The following QTMAN variants were observed in gnomAD, a reference collection of about 807,000 sequenced individuals.
The protein encoded by QTMAN is queuosine-tRNA mannosyltransferase.
At chr2:144,271,385 T>C in the QTMAN span, among the ~76,000 whole-genome samples, 1 of 152,204 alleles carries the variant, frequency 6.6e-6, no homozygotes, top group Non-Finnish European at 1.5e-5. Context: ...ATTGAACAGC[T>C]TGGCTTCTGA....
the QTMAN span, among the ~76,000 whole-genome samples, chr2:144,141,588 CAAAAAAAA>C: frequency 1.2e-5 from 1 of 81,724 alleles, no homozygotes; most frequent in Non-Finnish European, 2.6e-5. Context: ...ACTTCTGTAA[CAAAAAAAA>C]AAAAAAGAAA....
chr2:144,211,665 GCA>G, the QTMAN span: 1 of 152,284 alleles, frequency 6.6e-6, no homozygotes, highest in African/African-American at 2.4e-5. Context: ...ATGGCATATA[GCA>G]CATTAAAGAA....
At chr2:144,308,698 G>A in the QTMAN span, among the ~76,000 whole-genome samples, 2 of 151,948 alleles carry the variant, frequency 1.3e-5, no homozygotes, top group African/African-American at 4.8e-5. Flanking sequence ...GGACGCGGTG[G>A]CTCACGCCTG....
chr2:144,196,173 A>G, the QTMAN span, among the ~76,000 whole-genome samples: 1 of 151,780 alleles, frequency 6.6e-6, no homozygotes, highest in East Asian at 1.9e-4. Context: ...GAGAAACTCC[A>G]TAATACAATT....
the QTMAN span, among the ~76,000 whole-genome samples, chr2:144,157,553 G>A: frequency 6.6e-6 from 1 of 151,886 alleles, no homozygotes; most frequent in Non-Finnish European, 1.5e-5. Context: ...TATGGCCCAG[G>A]AAAGCCAGAA....
At chr2:143,976,014 T>TA in the QTMAN span, among the ~76,000 whole-genome samples, 1 of 152,212 alleles carries the variant, frequency 6.6e-6, no homozygotes, top group Non-Finnish European at 1.5e-5. Flanking sequence ...GAGCTCCTGT[T>TA]ACATTCCAGA....
At chr2:144,097,585 G>A in the QTMAN span, among the ~76,000 whole-genome samples, 1 of 152,076 alleles carries the variant, frequency 6.6e-6, no homozygotes, top group Non-Finnish European at 1.5e-5. Flanking sequence ...GAAGGGGAGG[G>A]AACGATCTTG....
the QTMAN span, among the ~76,000 whole-genome samples, chr2:144,323,442 T>C: frequency 1.3e-5 from 2 of 152,208 alleles, no homozygotes; most frequent in African/African-American, 4.8e-5. Context: ...GATTACTAGG[T>C]ACAGTTGGGT....
At chr2:144,148,965 A>G in the QTMAN span, among the ~76,000 whole-genome samples, 1 of 151,918 alleles carries the variant, frequency 6.6e-6, no homozygotes, top group Non-Finnish European at 1.5e-5. Context: ...GTAAAACGGT[A>G]AAGTGGTCAA....
chr2:144,098,443 A>G, the QTMAN span, among the ~76,000 whole-genome samples: 4 of 152,270 alleles, frequency 2.6e-5, no homozygotes, highest in South Asian at 8.3e-4. Flanking sequence ...GGCCGGGTGC[A>G]GTGGCTCATG....
At chr2:144,138,541 A>C in the QTMAN span, among the ~76,000 whole-genome samples, 1 of 152,080 alleles carries the variant, frequency 6.6e-6, no homozygotes, top group Non-Finnish European at 1.5e-5. Flanking sequence ...GACCAGAAAA[A>C]ATTGTTAGGA....
At chr2:144,262,387 A>C in the QTMAN span, among the ~76,000 whole-genome samples, 1 of 151,764 alleles carries the variant, frequency 6.6e-6, no homozygotes, top group Non-Finnish European at 1.5e-5. Context: ...GCAAAACACT[A>C]TCTCTAAAAA....
At chr2:144,124,034 A>G in the QTMAN span, among the ~76,000 whole-genome samples, 31 of 152,146 alleles carry the variant, frequency 2.0e-4, no homozygotes, top group Non-Finnish European at 3.5e-4. Context: ...AAGGACTACA[A>G]GAAACTGTCT....
At chr2:144,312,804 C>T in the QTMAN span, among the ~76,000 whole-genome samples, 1 of 152,130 alleles carries the variant, frequency 6.6e-6, no homozygotes. Context: ...TGGCAAGTTC[C>T]TCCTTCACTC....
chr2:143,973,743 C>T, the QTMAN span, among the ~76,000 whole-genome samples: 229 of 150,806 alleles, frequency 1.5e-3, no homozygotes, highest in African/African-American at 5.3e-3. Context: ...GAGTCGAGAT[C>T]GCGCCACTGC....
the QTMAN span, among the ~76,000 whole-genome samples, chr2:144,218,721 C>T: frequency 6.6e-6 from 1 of 152,102 alleles, no homozygotes; most frequent in African/African-American, 2.4e-5. Context: ...GTTACTCTAA[C>T]ATACAAATAT....
chr2:144,076,117 C>T, the QTMAN span, among the ~76,000 whole-genome samples: 2 of 152,028 alleles, frequency 1.3e-5, no homozygotes, highest in Non-Finnish European at 2.9e-5. Flanking sequence ...CGTGGTGGCG[C>T]GTGCCTGTAG....
the QTMAN span, among the ~76,000 whole-genome samples, chr2:144,179,217 T>C: frequency 6.6e-6 from 1 of 152,160 alleles, no homozygotes; most frequent in African/African-American, 2.4e-5. Flanking sequence ...GCAGATGAAA[T>C]GGGATATTCC....
At chr2:144,098,847 GAAAA>G in the QTMAN span, among the ~76,000 whole-genome samples, 1 of 134,418 alleles carries the variant, frequency 7.4e-6, no homozygotes, top group African/African-American at 2.7e-5. Flanking sequence ...ATTTCTCTTA[GAAAA>G]AAAAAAAAAA....
Sources: gnomAD v4.1 joint callset for allele counts (sites outside exome capture counted in the v4.1 genomes callset) on GRCh38, gnomAD v4.1.1 for gene constraint, MANE v1.5 for transcripts, NCBI Gene and HGNC (gene_info 2026-07-23, HGNC 2026-07-21) for gene names.